ZFP14: variants seen among roughly 807,000 people sequenced by gnomAD.
ZFP14 encodes the protein ZFP14 zinc finger protein.
Under a neutral mutation model 54.5 loss-of-function variants are expected in ZFP14, and 22 were observed. The ratio of observed to expected loss-of-function variants is 0.40; its 90% CI spans 0.29 to 0.58. The LOEUF (loss-of-function observed/expected upper bound fraction) is 0.58, where lower values mean the gene tolerates loss of function less well. Ranked by LOEUF, ZFP14 falls within the 20% of genes least tolerant of loss-of-function variation. The pLI is 0.39. For missense variants in ZFP14, 470 were observed against 637.8 expected, an observed-to-expected ratio of 0.74 and a Z score of 2.83; for synonymous variants, 159 against 204.0, an observed-to-expected ratio of 0.78 and a Z score of 1.88.
chr19:36,363,063 C>T (rs2031733684), intron 2 of ZFP14, among the ~76,000 whole-genome samples: 1 of 152,036 alleles, frequency 6.6e-6, no homozygotes, highest in East Asian at 1.9e-4. Flanking sequence ...GAATAATCTT[C>T]TTGCTTGTCA....
rs1390453888 is a variant in ZFP14, at chr19:36,352,676, T to C, written c.235+7759A>G. On this transcript the variant is annotated intron_variant, in intron 4 of 4. Transcript: ENST00000270001. The stretch of plus-strand genomic sequence containing the variant: ...AGCCATGTGGGCTGGGCGCGGTGGC[T>C]CACACCTGTAATCCCAACACTTTGG... Among the ~76,000 whole-genome samples the C allele has an allele frequency of 3.5e-5, 5 of 142,356 alleles. 2 individuals carry two copies. The highest frequency in any genetic ancestry group is 7.8e-5 in the Non-Finnish European group (5 of 64,268). 93.4% of individuals were successfully genotyped at this position (142,356 alleles called of 152,430 possible). A position where few individuals can be genotyped will look rare whatever the true frequency, so the allele number is the denominator to read the frequency against.
intron 4 of ZFP14, among the ~76,000 whole-genome samples, chr19:36,343,723 G>C (rs189439173): frequency 6.6e-6 from 1 of 152,166 alleles, no homozygotes; most frequent in African/African-American, 2.4e-5. Flanking sequence ...TTGAGGGACT[G>C]CATCTGGTGA....
intron 4 of ZFP14, among the ~76,000 whole-genome samples, chr19:36,349,238 AAAAACAAAAAAAAAAAAAC>A (rs1261956300): frequency 7.3e-5 from 3 of 41,182 alleles, no homozygotes; most frequent in East Asian, 5.3e-4. Flanking sequence ...TCTCAAAAAA[AAAAACAAAAAAAAAAAAAC>A]AAAAAAAAAA....
At chr19:36,361,833 G>C (rs1472714069) in intron 3 of ZFP14, among the ~76,000 whole-genome samples, 1 of 152,126 alleles carries the variant, frequency 6.6e-6, no homozygotes, top group Non-Finnish European at 1.5e-5. Flanking sequence ...TGTCAATTCT[G>C]AGCTCCAATA....
rs1013790166 is a variant in ZFP14, at chr19:36,367,991, C to A, written c.-79-20G>T. On this transcript the variant is annotated intron_variant, in intron 1 of 4. Coordinates refer to ENST00000270001, the MANE Select transcript of ZFP14 (RefSeq NM_020917.3). ...CCAGAGCTGAAAGAAGAAAAAGAAA[C>A]CATGAAATAAGCTGCGCCACAGAGC... 3 of 1,411,564 alleles carry A rather than the reference C, an allele frequency of 2.1e-6. No individual in the cohort carries two copies. Among genetic ancestry groups the A allele is most frequent in the Non-Finnish European group, 2.9e-6 (3 of 1,046,586 alleles). The allele number at this position is 1,411,564 out of a possible 1,614,324, so 87.4% of individuals were successfully genotyped here. A position where few individuals can be genotyped will look rare whatever the true frequency, so the allele number is the denominator to read the frequency against.
In ZFP14 at chr19:36,337,200, T is replaced by G. The variant is rs553016159; in HGVS notation, c.*3024A>C. ...GCCAACATACTGAATTTAGTTGATA[T>G]GTCTCTTTAAGTCTCTTTTAATCTG... On this transcript the variant is annotated 3_prime_UTR_variant, in exon 5 of 5. Coordinates refer to ENST00000270001, the MANE Select transcript of ZFP14 (RefSeq NM_020917.3). The G allele has an allele frequency of 1.3e-5, 2 of 152,346 alleles. No individual in the cohort carries two copies. The highest frequency in any genetic ancestry group is 3.9e-4 in the East Asian group (2 of 5,184). 9.4% of individuals were successfully genotyped at this position (152,346 alleles called of 1,614,324 possible).
At chr19:36,359,122 G>C (rs2031667891) in intron 4 of ZFP14, among the ~76,000 whole-genome samples, 1 of 152,096 alleles carries the variant, frequency 6.6e-6, no homozygotes, top group Non-Finnish European at 1.5e-5. Context: ...GTAAATTACT[G>C]AATTTCAAGG....
At position 36,339,414 on chromosome 19, in the gene ZFP14, T is replaced by C. The variant is rs1407259324; in HGVS notation, c.*810A>G. ...TTATTCACACTCTTGTATCATCCCG[T>C]TCTCTTGAGTGTGGACTATCCTAGT... On this transcript the variant is annotated 3_prime_UTR_variant, in exon 5 of 5. Coordinates refer to ENST00000270001, the MANE Select transcript of ZFP14 (RefSeq NM_020917.3). The C allele has an allele frequency of 6.6e-6, 1 of 152,190 alleles. No homozygotes were observed. Among genetic ancestry groups the C allele is most frequent in the Admixed American group, 6.6e-5 (1 of 15,264 alleles). The allele number at this position is 152,190 out of a possible 1,614,324, so 9.4% of individuals were successfully genotyped here. A position where few individuals can be genotyped will look rare whatever the true frequency, so the allele number is the denominator to read the frequency against.
rs1568464247 is a variant in ZFP14 at position 36,341,231 on chromosome 19, G to T, written c.595C>A (p.Pro199Thr). ...QHLRIHTGEK[P>T]YKCKECGQAF... ...TGCCCACATTCCTTACACTTATAAG[G>T]TTTCTCACCAGTATGAATTCTCAGG... Residue 199 changes from proline (P) to threonine (T), a missense_variant, in exon 5 of 5, where the codon CCT (proline) becomes ACT (threonine). Transcript: ENST00000270001. This position sits in a 1 kb window ranked among gnomAD's most constrained non-coding sequence, Gnocchi z 4.2. The T allele has an allele frequency of 6.2e-7, 1 of 1,614,150 alleles. No individual in the cohort carries two copies. Among genetic ancestry groups the T allele is most frequent in the Non-Finnish European group, 8.5e-7 (1 of 1,180,038 alleles).
intron 2 of ZFP14, among the ~76,000 whole-genome samples, chr19:36,367,524 C>T (rs1475344921): frequency 1.3e-5 from 2 of 152,022 alleles, no homozygotes; most frequent in African/African-American, 4.8e-5. Flanking sequence ...TCTGTCGCCC[C>T]AGCTGGAGTG....
At chr19:36,364,556 G>T (rs1329478422) in intron 2 of ZFP14, among the ~76,000 whole-genome samples, 1 of 152,106 alleles carries the variant, frequency 6.6e-6, no homozygotes, top group Non-Finnish European at 1.5e-5. Context: ...TAAGAGCAGG[G>T]GAACTCATGG....
rs1568467134 is a variant in ZFP14, at chr19:36,349,247, AAAAAAAAAAC to A, written c.236-7667_236-7658del. Among the ~76,000 whole-genome samples the A allele has an allele frequency of 4.1e-3, 272 of 66,112 alleles. 60 individuals are homozygous for A. The highest frequency in any genetic ancestry group is 0.015 in the African/African-American group (200 of 13,032). 43.4% of individuals were successfully genotyped at this position (66,112 alleles called of 152,430 possible). ...ACTCTGTCTCAAAAAAAAAAACAAA[AAAAAAAAAAC>A]AAAAAAAAAAAAACAGGAAGAACAT... On this transcript the variant is annotated intron_variant, in intron 4 of 4. Coordinates refer to ENST00000270001, the MANE Select transcript of ZFP14 (RefSeq NM_020917.3).
chr19:36,365,222 C>G (rs1392029013), intron 2 of ZFP14, among the ~76,000 whole-genome samples: 1 of 152,048 alleles, frequency 6.6e-6, no homozygotes, highest in African/African-American at 2.4e-5. Flanking sequence ...TTCCATCCCT[C>G]CAACTAGCTT....
rs920446584 is a variant in ZFP14 at position 36,337,027 on chromosome 19, C to A, written c.*3197G>T. Reference sequence around the variant, plus strand: ...TTCATAGTATGTATCTCATATCATACGATCTTTTATTTTTTATAATCACAC... The same window carrying A: ...TTCATAGTATGTATCTCATATCATAAGATCTTTTATTTTTTATAATCACAC... On this transcript the variant is annotated 3_prime_UTR_variant, in exon 5 of 5. Transcript: ENST00000270001. 8.0e-6 allele frequency: 1 copy of A among 124,862 alleles called. No individual in the cohort carries two copies. The allele number at this position is 124,862 out of a possible 1,614,324, so 7.7% of individuals were successfully genotyped here. A position where few individuals can be genotyped will look rare whatever the true frequency, so the allele number is the denominator to read the frequency against.
At chr19:36,362,266 G>T (rs1056651539) in intron 2 of ZFP14, 28 bp from the exon 3 acceptor site, 2 of 1,573,852 alleles carry the variant, frequency 1.3e-6, no homozygotes, top group African/African-American at 1.4e-5. Flanking sequence ...GGTATTACTT[G>T]TGAAAATAAA....
intron 1 of ZFP14, among the ~76,000 whole-genome samples, 187 bp from the exon 2 acceptor site, chr19:36,368,158 T>C (rs913079470): frequency 5.9e-5 from 9 of 151,860 alleles, no homozygotes; most frequent in South Asian, 2.1e-4. Flanking sequence ...TGGGGAAAAG[T>C]ATAGGGAGTC....
At chr19:36,354,950 C>A (rs1313717758) in intron 4 of ZFP14, among the ~76,000 whole-genome samples, 1 of 143,188 alleles carries the variant, frequency 7.0e-6, no homozygotes, top group Non-Finnish European at 1.6e-5. Flanking sequence ...GGATTACAGG[C>A]ACGAAGCCAC....
At chr19:36,361,042 A>C (rs1050184527) in intron 3 of ZFP14, among the ~76,000 whole-genome samples, 6 of 152,262 alleles carry the variant, frequency 3.9e-5, no homozygotes, top group Non-Finnish European at 7.3e-5. Flanking sequence ...TTATTAACAT[A>C]TACACATAAT....
intron 2 of ZFP14, among the ~76,000 whole-genome samples, chr19:36,365,750 G>C (rs1568472746): frequency 1.3e-5 from 2 of 152,122 alleles, no homozygotes; most frequent in Admixed American, 6.5e-5. Flanking sequence ...CTTGAGCCCA[G>C]GAGTTTGAGT....
Sources: gnomAD v4.1 joint callset for allele counts (sites outside exome capture counted in the v4.1 genomes callset) on GRCh38, gnomAD v4.1.1 for gene constraint, Gnocchi (gnomAD v3.1) non-coding constraint, MANE v1.5 for transcripts, NCBI Gene and HGNC (gene_info 2026-07-23, HGNC 2026-07-21) for gene names.